Variants in MAP2K6 observed in about 807,000 individuals in gnomAD.
MAP2K6 encodes the protein mitogen-activated protein kinase kinase 6.
In MAP2K6, 16 loss-of-function variants were observed where a neutral mutation model predicts 53.7. The observed-to-expected ratio is 0.30, with a 90% CI of 0.20 to 0.45. MAP2K6 has a LOEUF of 0.45. MAP2K6 is among the 20% of genes least tolerant of loss of function. The pLI is 1.00. For missense variants in MAP2K6, 204 were observed against 411.9 expected, an observed-to-expected ratio of 0.50 and a Z score of 4.37; for synonymous variants, 132 against 143.1, an observed-to-expected ratio of 0.92 and a Z score of 0.55.
chr17:69,507,842 A>G (rs1394547103), intron 2 of MAP2K6, among the ~76,000 whole-genome samples: 2 of 152,142 alleles, frequency 1.3e-5, no homozygotes, highest in African/African-American at 4.8e-5. Flanking sequence ...TGTAAGCCCA[A>G]TAGTGCAATT....
At chr17:69,505,973 C>A in intron 2 of MAP2K6, 127 bp downstream of exon 2, 1 of 714,412 alleles carries the variant, frequency 1.4e-6, no homozygotes, top group Non-Finnish European at 2.4e-6. Context: ...AAGCCATTTG[C>A]TCACTGTTCT....
intron 1 of MAP2K6, among the ~76,000 whole-genome samples, chr17:69,417,442 C>T (rs376141887): frequency 1.5e-4 from 23 of 152,278 alleles, no homozygotes; most frequent in African/African-American, 5.5e-4. Context: ...GAATTACAGA[C>T]TCTCTGGAAG....
intron 1 of MAP2K6, among the ~76,000 whole-genome samples, chr17:69,454,924 G>C (rs1430327220): frequency 6.6e-6 from 1 of 152,140 alleles, no homozygotes; most frequent in Non-Finnish European, 1.5e-5. Flanking sequence ...TTTACAAATA[G>C]AAGGTCTAAT....
intron 1 of MAP2K6, chr17:69,435,316 C>T (rs1399967483): frequency 6.6e-6 from 1 of 151,980 alleles, no homozygotes; most frequent in East Asian, 1.9e-4. Flanking sequence ...GCAGGCGGAT[C>T]ATGAGGTCAG....
At chr17:69,495,562 A>G (rs1406282259) in intron 1 of MAP2K6, among the ~76,000 whole-genome samples, 2 of 152,112 alleles carry the variant, frequency 1.3e-5, no homozygotes, top group Non-Finnish European at 2.9e-5. Flanking sequence ...AACATATTCA[A>G]AAGTGGACTG....
rs183655874 is a variant in MAP2K6 at position 69,548,967 on chromosome 17, A to G, written c.*7214A>G. Reference sequence around the variant, plus strand: ...GCCTAAGCAGAAACATAAAGTAAAAAATTTTGTAGTAGGGAATTTTTGTTG... The same window carrying G: ...GCCTAAGCAGAAACATAAAGTAAAAGATTTTGTAGTAGGGAATTTTTGTTG... On this transcript the variant is annotated 3_prime_UTR_variant, in exon 12 of 12. Coordinates refer to ENST00000590474, the MANE Select transcript of MAP2K6 (RefSeq NM_002758.4). The G allele has an allele frequency of 6.6e-6, 1 of 152,276 alleles. No homozygotes were observed. The highest frequency in any genetic ancestry group is 1.9e-4 in the East Asian group (1 of 5,182). 9.4% of individuals were successfully genotyped at this position (152,276 alleles called of 1,614,324 possible). A position where few individuals can be genotyped will look rare whatever the true frequency, so the allele number is the denominator to read the frequency against.
intron 1 of MAP2K6, among the ~76,000 whole-genome samples, chr17:69,456,533 G>A (rs905291820): frequency 2.6e-5 from 4 of 152,112 alleles, no homozygotes; most frequent in African/African-American, 7.2e-5. Flanking sequence ...CAACTGTGAC[G>A]TTCATAAGGT....
chr17:69,519,553 G>A, intron 5 of MAP2K6, 121 bp downstream of exon 5: 1 of 1,187,630 alleles, frequency 8.4e-7, no homozygotes, highest in Non-Finnish European at 1.2e-6. Flanking sequence ...TTGTATACGG[G>A]GGTTTACGTG....
intron 1 of MAP2K6, among the ~76,000 whole-genome samples, chr17:69,452,228 G>T (rs985463151): frequency 2.6e-5 from 4 of 151,296 alleles, no homozygotes; most frequent in African/African-American, 7.3e-5. Context: ...ACAGGCCGGG[G>T]ATGCTGCTGA....
rs1911844984 is a variant in MAP2K6 at position 69,545,549 on chromosome 17, C to T, written c.*3796C>T. 1 of 152,128 alleles carries T rather than the reference C, an allele frequency of 6.6e-6. No homozygotes were observed. Among genetic ancestry groups the T allele is most frequent in the Non-Finnish European group, 1.5e-5 (1 of 68,028 alleles). The allele number at this position is 152,128 out of a possible 1,614,324, so 9.4% of individuals were successfully genotyped here. On this transcript the variant is annotated 3_prime_UTR_variant, in exon 12 of 12. Coordinates refer to ENST00000590474, the MANE Select transcript of MAP2K6 (RefSeq NM_002758.4). Reference sequence around the variant, plus strand: ...AAGCCTAACAAAAAATTGTATGTGCCAGAGATTCCTAAACTTTCTGTGTTC... The same window carrying T: ...AAGCCTAACAAAAAATTGTATGTGCTAGAGATTCCTAAACTTTCTGTGTTC...
chr17:69,414,741 G>C lies in MAP2K6; in HGVS notation c.-244G>C. 1 of 487,628 alleles carries C rather than the reference G, an allele frequency of 2.1e-6. No individual in the cohort carries two copies. The highest frequency in any genetic ancestry group is 3.7e-6 in the Non-Finnish European group (1 of 271,102). The allele number at this position is 487,628 out of a possible 1,614,324, so 30.2% of individuals were successfully genotyped here. On this transcript the variant is annotated 5_prime_UTR_variant, in exon 1 of 12. An upstream start codon of the reference 5' UTR is lost. Transcript: ENST00000590474. ...TTAGCTGCCAGCCCTGGCCCATCAT[G>C]TAGCTGCAGCACAGCCTTCCCTAAC...
At chr17:69,531,449 T>C (rs1050734741) in intron 10 of MAP2K6, among the ~76,000 whole-genome samples, 2 of 152,160 alleles carry the variant, frequency 1.3e-5, no homozygotes, top group Non-Finnish European at 2.9e-5. Context: ...ATCCAGGGAA[T>C]TGACTTGGTA....
intron 2 of MAP2K6, among the ~76,000 whole-genome samples, chr17:69,512,262 A>G (rs1404147894): frequency 4.0e-5 from 6 of 149,772 alleles, no homozygotes; most frequent in Admixed American, 4.0e-4. Flanking sequence ...TATCCTTTAC[A>G]GCATACTGTG....
chr17:69,509,125 C>T (rs908600035), intron 2 of MAP2K6, among the ~76,000 whole-genome samples: 3 of 152,136 alleles, frequency 2.0e-5, no homozygotes, highest in Admixed American at 2.0e-4. Flanking sequence ...TTAGAATAAG[C>T]TTATCTATGT....
chr17:69,443,621 G>A (rs1906885417), intron 1 of MAP2K6, among the ~76,000 whole-genome samples: 2 of 152,180 alleles, frequency 1.3e-5, no homozygotes, highest in Admixed American at 6.5e-5. Context: ...TGCCACACTT[G>A]TCTTACCCTA....
intron 2 of MAP2K6, among the ~76,000 whole-genome samples, chr17:69,506,954 TTTTTTTTTTC>T (rs1181245271): frequency 3.7e-5 from 4 of 108,856 alleles, no homozygotes; most frequent in Admixed American, 1.7e-4. Context: ...TCTTTTTCTC[TTTTTTTTTTC>T]TTTTTTTTTC....
intron 1 of MAP2K6, among the ~76,000 whole-genome samples, chr17:69,454,332 C>T (rs144652914): frequency 2.0e-5 from 3 of 152,234 alleles, no homozygotes; most frequent in Admixed American, 6.5e-5. Context: ...TCACTGTGTC[C>T]GGAGGGCATA....
intron 10 of MAP2K6, among the ~76,000 whole-genome samples, chr17:69,533,566 A>C (rs1911197380): frequency 6.6e-6 from 1 of 152,138 alleles, no homozygotes; most frequent in South Asian, 2.1e-4. Context: ...TAAGGTCTAA[A>C]TAGAGACAGC....
At chr17:69,460,360 A>G (rs1318413162) in intron 1 of MAP2K6, among the ~76,000 whole-genome samples, 11 of 152,194 alleles carry the variant, frequency 7.2e-5, no homozygotes, top group Non-Finnish European at 1.2e-4. Flanking sequence ...GGAGGTATTT[A>G]ACGCACTGCA....
Sources: allele counts gnomAD v4.1 joint callset (sites outside exome capture counted in the v4.1 genomes callset), GRCh38; gene constraint gnomAD v4.1.1; transcripts MANE v1.5; gene names NCBI Gene and HGNC (gene_info 2026-07-23, HGNC 2026-07-21).